CA10: variants seen among roughly 807,000 people sequenced by gnomAD.
CA10 encodes the protein carbonic anhydrase 10 (inactive).
Under a neutral mutation model 44.2 loss-of-function variants are expected in CA10, and 14 were observed. That is an observed-to-expected ratio of 0.32 (90% confidence interval 0.21 to 0.50). The LOEUF (loss-of-function observed/expected upper bound fraction) is 0.50. CA10 is among the 20% of genes least tolerant of loss of function. The pLI is 0.99. For missense variants in CA10, 350 were observed against 409.7 expected, an observed-to-expected ratio of 0.85 and a Z score of 1.26; for synonymous variants, 159 against 141.6, an observed-to-expected ratio of 1.12 and a Z score of -0.87.
rs545024737 is a variant in CA10, at chr17:51,759,800, C to CT, written c.280-11983dup. Among the ~76,000 whole-genome samples the CT allele has an allele frequency of 7.8e-3, 1,178 of 151,204 alleles. 11 individuals are homozygous for CT. The highest frequency in any genetic ancestry group is 0.018 in the African/African-American group (739 of 41,222). On this transcript the variant is annotated intron_variant, in intron 3 of 8. Transcript: ENST00000451037. ...GAAGGGGTACAGTAATATAGAGTGACTTTTTTTTTATCCTTTCTCCATCCT... is the reference window on the plus strand; with the variant it reads ...GAAGGGGTACAGTAATATAGAGTGACTTTTTTTTTTATCCTTTCTCCATCCT...
At chr17:51,959,512 A>G (rs1188408910) in intron 2 of CA10, among the ~76,000 whole-genome samples, 2 of 152,090 alleles carry the variant, frequency 1.3e-5, no homozygotes, top group Non-Finnish European at 2.9e-5. Context: ...AAAGTGGTAG[A>G]GAAAAAGTAC....
intron 3 of CA10, among the ~76,000 whole-genome samples, chr17:51,927,021 G>GA (rs1305496403): frequency 2.0e-5 from 3 of 151,988 alleles, no homozygotes; most frequent in Admixed American, 6.6e-5. Flanking sequence ...CTTTAGAAAA[G>GA]AAAAAATAAA....
chr17:51,976,715 T>C (rs1984477183), intron 2 of CA10, among the ~76,000 whole-genome samples: 1 of 149,872 alleles, frequency 6.7e-6, no homozygotes, highest in Admixed American at 6.6e-5. Flanking sequence ...AAAAACAAAT[T>C]AAATTGAAAG....
intron 3 of CA10, among the ~76,000 whole-genome samples, chr17:51,795,124 G>A (rs1447367203): frequency 1.3e-5 from 2 of 152,196 alleles, no homozygotes; most frequent in African/African-American, 4.8e-5. Flanking sequence ...AGGATAAAAT[G>A]TGTGTAAAGT....
At chr17:51,964,185 A>C (rs914006393) in intron 2 of CA10, among the ~76,000 whole-genome samples, 1 of 152,094 alleles carries the variant, frequency 6.6e-6, no homozygotes. Flanking sequence ...TCAAATAATG[A>C]AAAAAGGTTC....
intron 3 of CA10, among the ~76,000 whole-genome samples, chr17:51,877,080 T>A (rs144347183): frequency 6.6e-6 from 1 of 152,342 alleles, no homozygotes; most frequent in Admixed American, 6.5e-5. Context: ...TTGGCTTGGC[T>A]AGAGTGAAAG....
At chr17:51,633,401 G>A in intron 8 of CA10, 75 bp downstream of exon 8, 2 of 1,323,790 alleles carry the variant, frequency 1.5e-6, no homozygotes, top group Non-Finnish European at 2.1e-6. Context: ...ATAATGCCAG[G>A]CCTTTAAGAA....
intron 2 of CA10, among the ~76,000 whole-genome samples, chr17:52,044,124 G>T (rs896099988): frequency 6.6e-6 from 1 of 152,022 alleles, no homozygotes; most frequent in East Asian, 1.9e-4. Flanking sequence ...GTTTGACAAG[G>T]ACTGGTATTA....
chr17:51,636,962 ACAATTT>A (rs1912862509), intron 6 of CA10, among the ~76,000 whole-genome samples: 2 of 152,222 alleles, frequency 1.3e-5, no homozygotes, highest in East Asian at 3.9e-4. Context: ...AAAAGAAAAA[ACAATTT>A]CAGTCATCTA....
chr17:51,675,149 CGGA>C (rs566383850), intron 4 of CA10, among the ~76,000 whole-genome samples: 3 of 151,954 alleles, frequency 2.0e-5, no homozygotes, highest in Admixed American at 6.6e-5. Flanking sequence ...TGGAGGCAGC[CGGA>C]GGAGGGAAAA....
At chr17:52,140,889 A>G (rs575025397) in intron 1 of CA10, among the ~76,000 whole-genome samples, 1 of 152,266 alleles carries the variant, frequency 6.6e-6, no homozygotes, top group Non-Finnish European at 1.5e-5. Context: ...TATTTGAGAG[A>G]AAATGCTCTA....
chr17:52,035,667 T>C (rs1467237834), intron 2 of CA10, among the ~76,000 whole-genome samples: 2 of 152,148 alleles, frequency 1.3e-5, no homozygotes, highest in African/African-American at 4.8e-5. Flanking sequence ...CACCCCTACC[T>C]GGATGCTGCC....
At chr17:52,113,694 A>G (rs1014790373) in intron 1 of CA10, among the ~76,000 whole-genome samples, 1 of 152,262 alleles carries the variant, frequency 6.6e-6, no homozygotes, top group African/African-American at 2.4e-5. Context: ...CCAAAACACA[A>G]GAAAATGGCC....
intron 2 of CA10, among the ~76,000 whole-genome samples, chr17:52,026,190 G>T (rs1347523301): frequency 6.6e-6 from 1 of 152,146 alleles, no homozygotes; most frequent in African/African-American, 2.4e-5. Context: ...CTTCCACTGA[G>T]GTGGAACAGA....
chr17:52,112,191 GA>G lies in CA10; in HGVS notation c.62-39799del, dbSNP rs796634137. 3.0e-3 allele frequency among the ~76,000 whole-genome samples: 398 copies of G among 132,922 alleles called. 1 individual carries two copies. Among genetic ancestry groups the G allele is most frequent in the African/African-American group, 6.3e-3 (231 of 36,572 alleles). 87.2% of individuals were successfully genotyped at this position (132,922 alleles called of 152,430 possible). A position where few individuals can be genotyped will look rare whatever the true frequency, so the allele number is the denominator to read the frequency against. ...GAGGTATTTGAGAAAAGAAGAAAAA[GA>G]AAAAAAAAAAACTCACAATTTGGTA... On this transcript the variant is annotated intron_variant, in intron 1 of 8. Coordinates refer to ENST00000451037, the MANE Select transcript of CA10 (RefSeq NM_020178.5).
At chr17:52,066,793 G>T (rs1987549198) in intron 2 of CA10, among the ~76,000 whole-genome samples, 2 of 152,230 alleles carry the variant, frequency 1.3e-5, no homozygotes, top group Admixed American at 1.3e-4. Context: ...AAGGAGACTG[G>T]TGGCATTTTG....
At chr17:51,962,159 G>A (rs1457314181) in intron 2 of CA10, among the ~76,000 whole-genome samples, 1 of 152,242 alleles carries the variant, frequency 6.6e-6, no homozygotes, top group Non-Finnish European at 1.5e-5. Context: ...CAGAAATTGT[G>A]GTGCAGTGGG....
chr17:51,869,202 T>C (rs892178297), intron 3 of CA10, among the ~76,000 whole-genome samples: 1 of 152,142 alleles, frequency 6.6e-6, no homozygotes, highest in Non-Finnish European at 1.5e-5. Context: ...AAGAAGTTCA[T>C]CTCTATTGAT....
At chr17:52,104,844 G>A (rs559098446) in intron 1 of CA10, among the ~76,000 whole-genome samples, 2 of 152,340 alleles carry the variant, frequency 1.3e-5, no homozygotes, top group East Asian at 3.9e-4. Flanking sequence ...TTGCTGCACG[G>A]ATGACAACCA....
Sources: gnomAD v4.1 joint callset for allele counts (sites outside exome capture counted in the v4.1 genomes callset) on GRCh38, gnomAD v4.1.1 for gene constraint, MANE v1.5 for transcripts, NCBI Gene and HGNC (gene_info 2026-07-23, HGNC 2026-07-21) for gene names.